The following CNBD1 variants were observed in gnomAD, a reference collection of about 807,000 sequenced individuals.
The protein encoded by CNBD1 is cyclic nucleotide-binding domain-containing protein 1.
A neutral mutation model predicts 54.4 loss-of-function variants in CNBD1; 71 were observed. The ratio of observed to expected loss-of-function variants is 1.30; its 90% confidence interval spans 1.08 to 1.59. The LOEUF is 1.59. Among genes scored for constraint, CNBD1 ranks in the 40% most tolerant of loss-of-function variants. The pLI, the probability that CNBD1 is intolerant of heterozygous loss-of-function variation, is 0.00. For missense variants in CNBD1, 659 were observed against 518.0 expected (o/e 1.27, Z -2.64); for synonymous variants, 182 against 170.7 (o/e 1.07, Z -0.51).
At chr8:87,392,021 T>TA (rs978450495) in intron 2 of CNBD1, among the ~76,000 whole-genome samples, 19 of 152,196 alleles carry the variant, frequency 1.2e-4, no homozygotes, top group Non-Finnish European at 2.5e-4. Context: ...GGCCTTTCTC[T>TA]AAAGAAGAAT....
intron 4 of CNBD1, among the ~76,000 whole-genome samples, chr8:87,112,251 T>C (rs55840119): frequency 0.061 from 9,342 of 152,274 alleles, 987 homozygotes; most frequent in African/African-American, 0.21. Flanking sequence ...TCTCTAAGCA[T>C]CATTGCCAGG....
At chr8:87,424,306 G>A (rs1237781105) in intron 2 of CNBD1, among the ~76,000 whole-genome samples, 3 of 151,934 alleles carry the variant, frequency 2.0e-5, no homozygotes, top group Non-Finnish European at 4.4e-5. Context: ...GTTACTTCTT[G>A]CCTTCTGCTA....
At chr8:86,971,350 C>T (rs1262196290) in intron 4 of CNBD1, among the ~76,000 whole-genome samples, 3 of 152,108 alleles carry the variant, frequency 2.0e-5, no homozygotes, top group Non-Finnish European at 4.4e-5. Context: ...AAACCATGCT[C>T]ATGATTCAAT....
chr8:87,106,953 C>T (rs780885085), intron 4 of CNBD1, among the ~76,000 whole-genome samples: 7 of 151,950 alleles, frequency 4.6e-5, no homozygotes, highest in Non-Finnish European at 7.4e-5. Context: ...CTCAACCTCC[C>T]GAGTAGCTGG....
intron 2 of CNBD1, among the ~76,000 whole-genome samples, chr8:86,888,846 C>G (rs970177309): frequency 6.6e-6 from 1 of 152,008 alleles, no homozygotes; most frequent in Non-Finnish European, 1.5e-5. Context: ...TTTCATTTTT[C>G]AAAATACTTC....
chr8:87,377,494 A>G (rs1429501290), intron 10 of CNBD1, among the ~76,000 whole-genome samples: 1 of 151,970 alleles, frequency 6.6e-6, no homozygotes, highest in Non-Finnish European at 1.5e-5. Flanking sequence ...ATCATTTTGT[A>G]TGGCTGCATA....
chr8:87,110,225 T>C (rs1266886667), intron 4 of CNBD1, among the ~76,000 whole-genome samples: 1 of 152,162 alleles, frequency 6.6e-6, no homozygotes, highest in African/African-American at 2.4e-5. Flanking sequence ...TGGCATGCAC[T>C]TGCTTTATAA....
Position 87,279,864 on chromosome 8 carries a change from A to AAGCCATGCTT in CNBD1, c.772-4808_772-4799dup, listed in dbSNP as rs201821448. On this transcript the variant is annotated intron_variant, in intron 6 of 10. Coordinates refer to ENST00000518476, the MANE Select transcript of CNBD1 (RefSeq NM_173538.3). ...ATATATGTATGAGGGACATAATAGG[A>AAGCCATGCTT]AGCCATGCTTAGCCAACTTTTAAAG... is the stretch of plus-strand genomic sequence containing the variant. Among the ~76,000 whole-genome samples, 1,325 of 151,564 alleles carry AAGCCATGCTT rather than the reference A, an allele frequency of 8.7e-3. 6 individuals are homozygous for AAGCCATGCTT. Among genetic ancestry groups the AAGCCATGCTT allele is most frequent in the Non-Finnish European group, 0.014 (952 of 67,588 alleles).
At chr8:87,318,854 G>A (rs992314979) in intron 8 of CNBD1, among the ~76,000 whole-genome samples, 21 of 152,030 alleles carry the variant, frequency 1.4e-4, no homozygotes, top group Non-Finnish European at 2.1e-4. Context: ...TCACACCTTA[G>A]CATACTCTTT....
chr8:87,388,816 C>T (rs187608573), intron 2 of CNBD1, among the ~76,000 whole-genome samples: 25 of 152,244 alleles, frequency 1.6e-4, no homozygotes, highest in Admixed American at 8.5e-4. Context: ...AATTTTAGAC[C>T]AATATCCCTG....
At chr8:87,147,956 T>C (rs1306877948) in intron 4 of CNBD1, among the ~76,000 whole-genome samples, 1 of 152,170 alleles carries the variant, frequency 6.6e-6, no homozygotes, top group Non-Finnish European at 1.5e-5. Flanking sequence ...TTATGCAGGA[T>C]ACCTTTCTGA....
At chr8:87,287,383 C>T (rs1374784534) in intron 8 of CNBD1, among the ~76,000 whole-genome samples, 2 of 152,096 alleles carry the variant, frequency 1.3e-5, no homozygotes, top group Non-Finnish European at 2.9e-5. Context: ...TGAGAGACAG[C>T]CACAGATAAC....
intron 8 of CNBD1, among the ~76,000 whole-genome samples, chr8:87,315,619 A>G (rs1809369577): frequency 6.6e-6 from 1 of 151,998 alleles, no homozygotes; most frequent in African/African-American, 2.4e-5. Context: ...TCTATTCATG[A>G]GGGGTCAGCC....
In CNBD1 at chr8:86,926,738, G is replaced by A. The variant is rs542736553; in HGVS notation, c.273-12858G>A. ...GCCCCAGCAGTCTTGGAGAGTCACCGCTGCCAAAGACTCCACCTGGGATTG... is the reference window on the plus strand; with the variant it reads ...GCCCCAGCAGTCTTGGAGAGTCACCACTGCCAAAGACTCCACCTGGGATTG... On this transcript the variant is annotated intron_variant, in intron 3 of 10. Transcript: ENST00000518476. 2.8e-4 allele frequency among the ~76,000 whole-genome samples: 43 copies of A among 152,258 alleles called. 2 individuals carry two copies. In the South Asian group the frequency reaches 7.2e-3, roughly 26 times the overall value.
At chr8:87,154,275 G>T (rs967250133) in intron 4 of CNBD1, among the ~76,000 whole-genome samples, 3 of 152,152 alleles carry the variant, frequency 2.0e-5, no homozygotes, top group Non-Finnish European at 4.4e-5. Flanking sequence ...AAAGCCAGAA[G>T]CTGCTAAAGA....
At chr8:86,887,643 T>G (rs66493340) in intron 2 of CNBD1, 32 bp downstream of exon 2, 681,239 of 1,452,314 alleles carry the variant, frequency 0.47, 160,890 homozygotes, top group East Asian at 0.57. Flanking sequence ...TTTTCTGTCA[T>G]TCAAATGAAT....
intron 8 of CNBD1, among the ~76,000 whole-genome samples, chr8:87,327,659 G>C (rs563194645): frequency 6.6e-6 from 1 of 152,180 alleles, no homozygotes; most frequent in Non-Finnish European, 1.5e-5. Context: ...CCCTGCTTCG[G>C]CTCGTGCCCG....
At chr8:87,127,862 C>T (rs1209270669) in intron 4 of CNBD1, among the ~76,000 whole-genome samples, 1 of 152,118 alleles carries the variant, frequency 6.6e-6, no homozygotes, top group African/African-American at 2.4e-5. Flanking sequence ...TGGAAACCCA[C>T]AGCCCTAAAT....
chr8:87,329,921 G>T (rs997093506), intron 8 of CNBD1, among the ~76,000 whole-genome samples: 1 of 151,836 alleles, frequency 6.6e-6, no homozygotes, highest in Non-Finnish European at 1.5e-5. Context: ...AGGACTTCCA[G>T]TATAATGTTA....
Sources: gnomAD v4.1 joint callset for allele counts (sites outside exome capture counted in the v4.1 genomes callset) on GRCh38, gnomAD v4.1.1 for gene constraint, MANE v1.5 for transcripts, NCBI Gene and HGNC (gene_info 2026-07-23, HGNC 2026-07-21) for gene names.